The following NUP107 variants were observed in gnomAD, a reference collection of about 807,000 sequenced individuals.
NUP107 encodes the protein nuclear pore complex protein Nup107.
NUP107 carries 101 observed loss-of-function variants against 141.0 expected under a neutral mutation model. The observed-to-expected ratio is 0.72, with a 90% CI of 0.61 to 0.84. The LOEUF (loss-of-function observed/expected upper bound fraction) is 0.84, where lower values mean the gene tolerates loss of function less well. NUP107 is among the 40% of genes least tolerant of loss of function. The pLI, the probability that NUP107 is intolerant of heterozygous loss-of-function variation, is 0.00. For missense variants in NUP107, 941 were observed against 1,102.7 expected, an observed-to-expected ratio of 0.85 and a Z score of 2.08; for synonymous variants, 319 against 363.9, an observed-to-expected ratio of 0.88 and a Z score of 1.41.
In NUP107 at chr12:68,744,241, G is replaced by A. The variant is rs1878430394; in HGVS notation, c.*1779G>A. On this transcript the variant is annotated 3_prime_UTR_variant, in exon 28 of 28. Coordinates refer to ENST00000229179, the MANE Select transcript of NUP107 (RefSeq NM_020401.4). ...ACTTGTTTTGCATGTCCCCCACTCTGTATTTGTCTTTTGTTGTGCCTTGTT... is the reference window on the plus strand; with the variant it reads ...ACTTGTTTTGCATGTCCCCCACTCTATATTTGTCTTTTGTTGTGCCTTGTT... 1 of 152,034 alleles carries A rather than the reference G, an allele frequency of 6.6e-6. No homozygotes were observed. The highest frequency in any genetic ancestry group is 1.5e-5 in the Non-Finnish European group (1 of 68,014). 9.4% of individuals were successfully genotyped at this position (152,034 alleles called of 1,614,324 possible).
intron 12 of NUP107, among the ~76,000 whole-genome samples, chr12:68,717,125 T>C (rs1877148757): frequency 6.6e-6 from 1 of 152,148 alleles, no homozygotes. Flanking sequence ...CTCAAACTCC[T>C]GAGCTCAGGC....
chr12:68,715,454 A>G (rs921551123), intron 11 of NUP107, among the ~76,000 whole-genome samples, 173 bp from the exon 12 acceptor site: 2 of 152,198 alleles, frequency 1.3e-5, no homozygotes, highest in African/African-American at 4.8e-5. Context: ...AGATCGCGCC[A>G]CTGCACTCCA....
intron 1 of NUP107, 36 bp from the exon 2 acceptor site, chr12:68,688,926 C>T (rs775079288): frequency 2.7e-5 from 39 of 1,464,334 alleles, no homozygotes; most frequent in Middle Eastern, 1.7e-4. Context: ...GCTATATTCT[C>T]GTTTCACTTA....
At chr12:68,706,396 G>A (rs1026070451) in intron 8 of NUP107, 2 of 1,121,420 alleles carry the variant, frequency 1.8e-6, no homozygotes, top group South Asian at 1.3e-5. Flanking sequence ...GTCGCTCCCT[G>A]GACATGAACA....
At chr12:68,733,828 G>A (rs1045229792) in intron 24 of NUP107, among the ~76,000 whole-genome samples, 2 of 152,148 alleles carry the variant, frequency 1.3e-5, no homozygotes, top group African/African-American at 4.8e-5. Flanking sequence ...CATCTCACAT[G>A]GTAGATAGTG....
At chr12:68,705,504 TAACC>T (rs1876533284) in intron 8 of NUP107, 2 of 271,096 alleles carry the variant, frequency 7.4e-6, no homozygotes, top group Admixed American at 9.1e-5. Flanking sequence ...TCCATGAATT[TAACC>T]AACTGCAGAT....
intron 10 of NUP107, among the ~76,000 whole-genome samples, chr12:68,710,559 G>A (rs971447913): frequency 4.6e-5 from 7 of 151,246 alleles, no homozygotes; most frequent in African/African-American, 1.2e-4. Context: ...GGAGGCTGAG[G>A]CAGGAGAATC....
intron 15 of NUP107, 59 bp from the exon 16 acceptor site, chr12:68,721,782 T>G: frequency 6.5e-7 from 1 of 1,531,278 alleles, no homozygotes; most frequent in Non-Finnish European, 8.9e-7. Flanking sequence ...ATGTAATTGC[T>G]TTTCCTTTCT....
At chr12:68,706,815 A>T (rs1876605757) in intron 8 of NUP107, 1 of 757,906 alleles carries the variant, frequency 1.3e-6, no homozygotes, top group East Asian at 2.5e-5. Flanking sequence ...CTGGAGGATG[A>T]GGAGAGCCAG....
intron 17 of NUP107, among the ~76,000 whole-genome samples, 197 bp downstream of exon 17, chr12:68,722,349 A>G (rs575089501): frequency 6.6e-6 from 1 of 152,184 alleles, no homozygotes; most frequent in Admixed American, 6.5e-5. Flanking sequence ...GATTAATTTC[A>G]TCTAAGTATA....
intron 24 of NUP107, among the ~76,000 whole-genome samples, chr12:68,734,461 A>T (rs1027290446): frequency 1.3e-5 from 2 of 152,230 alleles, no homozygotes; most frequent in African/African-American, 4.8e-5. Context: ...GTCAAGATAC[A>T]TATACGATCA....
intron 10 of NUP107, among the ~76,000 whole-genome samples, chr12:68,712,586 T>C (rs1401503939): frequency 6.6e-6 from 1 of 151,918 alleles, no homozygotes; most frequent in Non-Finnish European, 1.5e-5. Flanking sequence ...TGATTTTTTT[T>C]CTGAAAGGAA....
At chr12:68,711,107 T>C (rs992262974) in intron 10 of NUP107, among the ~76,000 whole-genome samples, 2 of 150,672 alleles carry the variant, frequency 1.3e-5, no homozygotes, top group African/African-American at 4.9e-5. Flanking sequence ...TACAAAAAAT[T>C]AGCCAGGCGT....
Position 68,702,724 on chromosome 12 carries a change from A to AT in NUP107, c.681-7dup, listed in dbSNP as rs767094637. ...AAATAAGGCTTTTTTATTTTGTCTT[A>AT]TTTTTCCCCAGAGACAGAATACAGT... On this transcript the variant is annotated splice_polypyrimidine_tract_variant and intron_variant, in intron 7 of 27. Transcript: ENST00000229179. 141 of 1,526,060 alleles carry AT rather than the reference A, an allele frequency of 9.2e-5. No homozygotes were observed. The highest frequency in any genetic ancestry group is 1.1e-4 in the Non-Finnish European group (123 of 1,133,378). The allele number at this position is 1,526,060 out of a possible 1,614,324, so 94.5% of individuals were successfully genotyped here.
At chr12:68,725,643 T>C (rs1877525807) in intron 17 of NUP107, 84 bp from the exon 18 acceptor site, 1 of 717,740 alleles carries the variant, frequency 1.4e-6, no homozygotes, top group Admixed American at 2.7e-5. Context: ...CCTTCAAAAG[T>C]TTAACATTTT....
rs1876777241 is a variant in NUP107 at position 68,710,071 on chromosome 12, T to A, written c.868T>A (p.Phe290Ile). The change falls in exon 10 of 28, where the codon TTT (phenylalanine) becomes ATT (isoleucine). Residue 290 changes from phenylalanine to isoleucine, a missense_variant. Physicochemically the swap from Phe to Ile is conservative, Grantham distance 21 (BLOSUM62 0). Coordinates refer to ENST00000229179, the MANE Select transcript of NUP107 (RefSeq NM_020401.4). ...TGGAGAATTTTCTGATAATATTGAGTTTTATGCAAAATCAGTATATTGGTA... is the reference window on the plus strand; with the variant it reads ...TGGAGAATTTTCTGATAATATTGAGATTTATGCAAAATCAGTATATTGGTA... ...EIGEFSDNIE[F>I]YAKSVYWENT... 1.3e-6 allele frequency: 2 copies of A among 1,575,764 alleles called. No individual in the cohort carries two copies. The highest frequency in any genetic ancestry group is 2.7e-5 in the African/African-American group (2 of 74,174).
At chr12:68,718,805 G>A (rs1030576350) in intron 12 of NUP107, among the ~76,000 whole-genome samples, 1 of 151,808 alleles carries the variant, frequency 6.6e-6, no homozygotes, top group Non-Finnish European at 1.5e-5. Context: ...AAAGGCAGAG[G>A]CCACAGAAAG....
Position 68,726,707 on chromosome 12 carries a change from T to C in NUP107, c.1695+90T>C. The stretch of plus-strand genomic sequence containing the variant: ...AACACTACTTTTTTTATTATTGTTT[T>C]CTAGAAATGGTGATAAGGAATCAAA... On this transcript the variant is annotated intron_variant, in intron 19 of 27. Coordinates refer to ENST00000229179, the MANE Select transcript of NUP107 (RefSeq NM_020401.4). 3 of 838,058 alleles carry C rather than the reference T, an allele frequency of 3.6e-6. No homozygotes were observed. The East Asian group carries it at 7.4e-5, about 21-fold the overall frequency. 51.9% of individuals were successfully genotyped at this position (838,058 alleles called of 1,614,324 possible).
At chr12:68,721,263 A>G in intron 15 of NUP107, 86 bp downstream of exon 15, 1 of 886,826 alleles carries the variant, frequency 1.1e-6, no homozygotes, top group Admixed American at 2.2e-5. Context: ...ACAAATATAA[A>G]CTTAAGTTTG....
Sources: gnomAD v4.1 joint callset for allele counts (sites outside exome capture counted in the v4.1 genomes callset) on GRCh38, gnomAD v4.1.1 for gene constraint, MANE v1.5 for transcripts, NCBI Gene and HGNC (gene_info 2026-07-23, HGNC 2026-07-21) for gene names.